PRDM1: variants seen among roughly 807,000 people sequenced by gnomAD.
PRDM1 encodes the protein PR/SET domain 1, also known as PR domain zinc finger protein 1.
PRDM1 carries 13 observed loss-of-function variants against 62.8 expected under a neutral mutation model. The ratio of observed to expected loss-of-function variants is 0.21; its 90% CI spans 0.13 to 0.33. The LOEUF (loss-of-function observed/expected upper bound fraction) is 0.33, where lower values mean the gene tolerates loss of function less well. Ranked by LOEUF, PRDM1 falls within the 10% of genes least tolerant of loss-of-function variation. The pLI, the probability that PRDM1 is intolerant of heterozygous loss-of-function variation, is 1.00. For missense variants in PRDM1, 895 were observed against 1,058.8 expected, an observed-to-expected ratio of 0.85 and a Z score of 2.15; for synonymous variants, 396 against 417.6, an observed-to-expected ratio of 0.95 and a Z score of 0.63.
In PRDM1 at chr6:106,105,711, C is replaced by T. The variant is rs777486578; in HGVS notation, c.1551C>T (p.Pro517=). Residue 517 remains proline, a synonymous_variant, in exon 5 of 7, where the codon CCC becomes CCT. Transcript: ENST00000369096. ...CCTGTAGCCCCACAAGCGGGTCTCC[C>T]ACGGCGGGAACAGCCGCCACGGCAG... is the stretch of plus-strand genomic sequence containing the variant. ...DKACSPTSGS[P]TAGTAATAEH... 1 of 1,613,462 alleles carries T rather than the reference C, an allele frequency of 6.2e-7. No homozygotes were observed. The highest frequency in any genetic ancestry group is 1.1e-5 in the South Asian group (1 of 91,070).
At chr6:106,100,756 G>C (rs1455315928) in intron 4 of PRDM1, among the ~76,000 whole-genome samples, 2 of 151,982 alleles carry the variant, frequency 1.3e-5, no homozygotes, top group African/African-American at 4.8e-5. Context: ...TGAAAATCTG[G>C]GGCTATAAAA....
chr6:106,013,225 C>T (rs906381879), intron 1 of PRDM1, among the ~76,000 whole-genome samples: 3 of 151,902 alleles, frequency 2.0e-5, no homozygotes, highest in Non-Finnish European at 4.4e-5. Context: ...CAGTGCTTAT[C>T]ATCAACCTTC....
chr6:106,031,669 C>T (rs1157908542), intron 1 of PRDM1, among the ~76,000 whole-genome samples: 5 of 152,194 alleles, frequency 3.3e-5, no homozygotes, highest in African/African-American at 1.2e-4. Flanking sequence ...TGGGGACAGT[C>T]CAGTTGACGG....
chr6:105,993,655 C>T lies in PRDM1; in HGVS notation c.-67+16C>T, dbSNP rs548330501. Among the ~76,000 whole-genome samples, 15 of 152,280 alleles carry T rather than the reference C, an allele frequency of 9.9e-5. No homozygotes were observed. In the South Asian group the frequency reaches 2.9e-3, roughly 29 times the overall value. On this transcript the variant is annotated intron_variant, in intron 1 of 6. Transcript: ENST00000652320. ...ACGTTAGAAGGTCTTTAAAACGTTA[C>T]GTTTACTATTTTAGGAAACAGATTT...
chr6:106,055,158 T>A (rs1340371910), intron 1 of PRDM1, among the ~76,000 whole-genome samples: 1 of 152,194 alleles, frequency 6.6e-6, no homozygotes, highest in Admixed American at 6.5e-5. Flanking sequence ...TAGTTAAAAA[T>A]CACTGCTAAT....
At position 106,040,236 on chromosome 6, in the gene PRDM1, G is replaced by A. The variant is rs1225737984; in HGVS notation, c.-67+46597G>A. 2.6e-5 allele frequency among the ~76,000 whole-genome samples: 4 copies of A among 152,306 alleles called. 1 individual carries two copies. The highest frequency in any genetic ancestry group is 9.6e-5 in the African/African-American group (4 of 41,564). On this transcript the variant is annotated intron_variant, in intron 1 of 6. Transcript: ENST00000652320. ...TCTTGACATTAATGAAGAAATCAGA[G>A]CATGCAGCTGATTTCCTAAGATGGC...
chr6:105,993,259 G>T (rs1283947723), upstream of PRDM1, among the ~76,000 whole-genome samples: 1 of 152,162 alleles, frequency 6.6e-6, no homozygotes, highest in East Asian at 1.9e-4. Flanking sequence ...AAGACTTCAG[G>T]GATGTTTAGC....
intron 1 of PRDM1, among the ~76,000 whole-genome samples, chr6:106,079,798 AAAAC>A (rs759494441): frequency 2.6e-5 from 4 of 152,224 alleles, no homozygotes; most frequent in East Asian, 1.9e-4. Context: ...ACTCTTTCTC[AAAAC>A]AAACAAACAA....
intron 1 of PRDM1, among the ~76,000 whole-genome samples, chr6:106,034,635 C>CTCTTTT (rs745833853): frequency 0.025 from 2,207 of 88,468 alleles, 199 homozygotes; most frequent in East Asian, 0.056. Context: ...TGTTCTCTCT[C>CTCTTTT]TTTTTTTTTT....
At chr6:106,100,203 G>A (rs1774230203) in intron 4 of PRDM1, 1 of 152,216 alleles carries the variant, frequency 6.6e-6, no homozygotes, top group African/African-American at 2.4e-5. Context: ...TTGCTGTCAT[G>A]ACCTCTCTCT....
Position 106,106,842 on chromosome 6 carries a change from C to T in PRDM1, c.1903-69C>T, listed in dbSNP as rs948777837. 6.1e-6 allele frequency: 9 copies of T among 1,482,290 alleles called. No individual in the cohort carries two copies. Among genetic ancestry groups the T allele is most frequent in the Admixed American group, 1.9e-5 (1 of 52,156 alleles). The allele number at this position is 1,482,290 out of a possible 1,614,324, so 91.8% of individuals were successfully genotyped here. On this transcript the variant is annotated intron_variant, in intron 6 of 6. Transcript: ENST00000369096. This position sits in a 1 kb window ranked among gnomAD's most constrained non-coding sequence, Gnocchi z 4.4. ...CGTTGGCCGGTAAGCCTGCCCCTCC[C>T]GTTGGCAACTCTTAATCTTCTGGCC...
intron 1 of PRDM1, among the ~76,000 whole-genome samples, chr6:106,020,309 A>G (rs925006403): frequency 4.0e-5 from 6 of 150,414 alleles, no homozygotes; most frequent in Non-Finnish European, 7.4e-5. Flanking sequence ...ACCTTTTTTT[A>G]TTTTTTTTGA....
intron 1 of PRDM1, among the ~76,000 whole-genome samples, chr6:106,075,246 A>C (rs951459214): frequency 6.6e-5 from 10 of 152,184 alleles, no homozygotes; most frequent in Admixed American, 5.9e-4. Context: ...AAGTAAGGAC[A>C]GTCTATTATT....
At chr6:106,079,021 C>T (rs1199456369) in intron 1 of PRDM1, among the ~76,000 whole-genome samples, 3 of 151,792 alleles carry the variant, frequency 2.0e-5, no homozygotes, top group East Asian at 1.9e-4. Context: ...AGTGCAGTGG[C>T]GCGATCTCAG....
intron 2 of PRDM1, among the ~76,000 whole-genome samples, chr6:106,094,594 A>G (rs1230520369): frequency 6.6e-6 from 1 of 152,186 alleles, no homozygotes; most frequent in Non-Finnish European, 1.5e-5. Context: ...TTTCCTCCGT[A>G]TAAACTTAAT....
At chr6:106,096,654 A>G (rs1774124837) in intron 3 of PRDM1, among the ~76,000 whole-genome samples, 1 of 152,216 alleles carries the variant, frequency 6.6e-6, no homozygotes, top group Admixed American at 6.5e-5. Flanking sequence ...TTCCTATAGC[A>G]TCCAACCAAA....
intron 1 of PRDM1, among the ~76,000 whole-genome samples, chr6:106,026,595 T>C (rs1772770349): frequency 1.3e-5 from 2 of 152,170 alleles, no homozygotes; most frequent in Admixed American, 1.3e-4. Flanking sequence ...TACCTGTAAG[T>C]GACAGTGGGT....
chr6:106,105,382 G>T lies in PRDM1; in HGVS notation c.1222G>T (p.Ala408Ser), dbSNP rs144524449. 2.6e-5 allele frequency: 42 copies of T among 1,613,926 alleles called. No individual in the cohort carries two copies. The South Asian group carries it at 4.5e-4, about 17-fold the overall frequency. Reference protein sequence around the residue: ...LPPAFIPSYNAHYPKFLLPPY... With the variant: ...LPPAFIPSYNSHYPKFLLPPY... ...GCCAGCTTTCATCCCCTCGTACAAC[G>T]CTCACTACCCCAAGTTCCTCTTGCC... Residue 408 changes from alanine (A) to serine (S), a missense_variant, in exon 5 of 7, where the codon GCT (alanine) becomes TCT (serine). Ala to Ser is a moderately conservative substitution (Grantham distance 99). Coordinates refer to ENST00000369096, the MANE Select transcript of PRDM1 (RefSeq NM_001198.4).
At chr6:106,104,205 G>GTTTTTTTTTTTTTTTT (rs11317538) in intron 4 of PRDM1, among the ~76,000 whole-genome samples, 3 of 141,844 alleles carry the variant, frequency 2.1e-5, no homozygotes, top group African/African-American at 2.6e-5. Context: ...TAAAATGGAA[G>GTTTTTTTTTTTTTTTT]TTTTTTTTTT....
Sources: allele counts gnomAD v4.1 joint callset (sites outside exome capture counted in the v4.1 genomes callset), GRCh38; gene constraint gnomAD v4.1.1; non-coding constraint Gnocchi (gnomAD v3.1); transcripts MANE v1.5; gene names NCBI Gene and HGNC (gene_info 2026-07-23, HGNC 2026-07-21).